The following PLXND1 variants were observed in gnomAD, a reference collection of about 807,000 sequenced individuals.
The protein encoded by PLXND1 is plexin-D1.
Under a neutral mutation model 197.7 loss-of-function variants are expected in PLXND1, and 54 were observed. That is an observed-to-expected ratio of 0.27 (90% confidence interval 0.22 to 0.34). PLXND1 has a LOEUF of 0.34. PLXND1 is among the 10% of genes least tolerant of loss of function. The probability of loss-of-function intolerance (pLI) is 1.00; values close to 1 mark genes in which losing one functional copy is unlikely to be tolerated. For synonymous variants in PLXND1, 1,180 were observed against 1,161.2 expected (o/e 1.02, Z -0.33); for missense variants, 2,127 against 2,699.2 (o/e 0.79, Z 4.70).
chr3:129,603,543 T>C (rs951879337), intron 1 of PLXND1, among the ~76,000 whole-genome samples: 1 of 152,056 alleles, frequency 6.6e-6, no homozygotes, highest in Admixed American at 6.5e-5. Context: ...GCCTGCGAGA[T>C]GAAGCTCTGG....
rs547722046 is a variant in PLXND1 at position 129,588,412 on chromosome 3, A to T, written c.1488+939T>A. Among the ~76,000 whole-genome samples, 23 of 150,654 alleles carry T rather than the reference A, an allele frequency of 1.5e-4. No individual in the cohort carries two copies. The South Asian group carries it at 4.9e-3, about 32-fold the overall frequency. On this transcript the variant is annotated intron_variant, in intron 2 of 35. Transcript: ENST00000324093. ...CCCAAGCCAGGACACTGAGGCTCGC[A>T]GGGGAGAAGAAACTGGCCCCAAGTC...
At position 129,563,251 on chromosome 3, in the gene PLXND1, C is replaced by G. The variant is rs747487560; in HGVS notation, c.4522-11G>C. On this transcript the variant is annotated splice_polypyrimidine_tract_variant and intron_variant, in intron 25 of 35. Coordinates refer to ENST00000324093, the MANE Select transcript of PLXND1 (RefSeq NM_015103.3). The stretch of plus-strand genomic sequence containing the variant: ...CTCCCCCACCGTCTCCTGAGGGGCA[C>G]GGGGGTATCAGGGCCAAGGCCCCCT... 3 of 1,603,554 alleles carry G rather than the reference C, an allele frequency of 1.9e-6. No individual in the cohort carries two copies. In the Admixed American group the frequency reaches 5.1e-5, roughly 27 times the overall value.
rs35550120 is a variant in PLXND1 at position 129,557,487 on chromosome 3, A to AG, written c.5446-265dup. Among the ~76,000 whole-genome samples the AG allele has an allele frequency of 0.36, 55,156 of 151,872 alleles. 16,503 individuals carry two copies. Among genetic ancestry groups the AG allele is most frequent in the African/African-American group, 0.79 (32,846 of 41,402 alleles). On this transcript the variant is annotated intron_variant, in intron 33 of 35. Transcript: ENST00000324093. This position sits in a 1 kb window ranked among gnomAD's most constrained non-coding sequence, Gnocchi z 4.8. ...GGTGGGGAGGGGCCCTACTTCTTTC[A>AG]GGGGAAAAGTGCACGGGCATGCCAG...
rs749940222 is a variant in PLXND1 at position 129,605,517 on chromosome 3, G to C, written c.1123C>G (p.Pro375Ala). The change falls in exon 1 of 36, where the codon CCC becomes GCC. Residue 375 changes from proline to alanine, a missense_variant. Pro to Ala is a conservative substitution (Grantham distance 27). Coordinates refer to ENST00000324093, the MANE Select transcript of PLXND1 (RefSeq NM_015103.3). ...GCGCGGGCCGCGGGGGACCCCTGGG[G>C]CCGCTCGAAGACAGCAAAGAGCCGC... ...RERLFAVFER[P>A]QGSPAARAAP... is the part of the protein sequence containing the mutation. 1.5e-5 allele frequency: 23 copies of C among 1,513,114 alleles called. No homozygotes were observed. In the South Asian group the frequency reaches 2.8e-4, roughly 19 times the overall value. 93.7% of individuals were successfully genotyped at this position (1,513,114 alleles called of 1,614,324 possible). A position where few individuals can be genotyped will look rare whatever the true frequency, so the allele number is the denominator to read the frequency against.
At chr3:129,592,615 C>T (rs1035688524) in intron 1 of PLXND1, among the ~76,000 whole-genome samples, 53 of 152,234 alleles carry the variant, frequency 3.5e-4, no homozygotes, top group South Asian at 1.5e-3. Flanking sequence ...AGCCCGCTCC[C>T]CCCTCCCCCA....
intron 32 of PLXND1, 36 bp downstream of exon 32, chr3:129,559,584 G>A (rs779632865): frequency 6.5e-7 from 1 of 1,535,440 alleles, no homozygotes; most frequent in South Asian, 1.3e-5. Flanking sequence ...GGCCCCAGTG[G>A]CACAGTGAAG....
chr3:129,571,727 G>A lies in PLXND1; in HGVS notation c.3195C>T (p.Tyr1065=), dbSNP rs1208909905. The A allele has an allele frequency of 1.9e-6, 3 of 1,613,632 alleles. No individual in the cohort carries two copies. The highest frequency in any genetic ancestry group is 4.5e-5 in the East Asian group (2 of 44,896). Residue 1065 remains tyrosine, a synonymous_variant, in exon 16 of 36, where the codon TAC becomes TAT. Coordinates refer to ENST00000324093, the MANE Select transcript of PLXND1 (RefSeq NM_015103.3). ...TGGCCGTGATGACCGGGTTCTGCATGTACCAGAAGGTGAGGTTGCCGTGCA... is the reference window on the plus strand; with the variant it reads ...TGGCCGTGATGACCGGGTTCTGCATATACCAGAAGGTGAGGTTGCCGTGCA... The part of the protein sequence containing the change: ...GCVHGNLTFW[Y]MQNPVITAIS...
At chr3:129,562,022 C>A (rs2085069581) in intron 27 of PLXND1, 119 bp from the exon 28 acceptor site, 2 of 695,680 alleles carry the variant, frequency 2.9e-6, no homozygotes, top group South Asian at 3.3e-5. Flanking sequence ...TGAGGCAAGC[C>A]ATACCTCTCT....
At chr3:129,598,303 G>A (rs889709043) in intron 1 of PLXND1, among the ~76,000 whole-genome samples, 3 of 152,132 alleles carry the variant, frequency 2.0e-5, no homozygotes, top group Non-Finnish European at 4.4e-5. Context: ...CTGATGAGCT[G>A]GTTAGTGTGT....
At chr3:129,585,607 C>G (rs56922937) in intron 5 of PLXND1, among the ~76,000 whole-genome samples, 7,793 of 152,290 alleles carry the variant, frequency 0.051, 288 homozygotes, top group East Asian at 0.12. Context: ...CTAGAACCCG[C>G]CTCTTGAGTT....
chr3:129,587,311 C>T (rs2085476434), intron 2 of PLXND1, among the ~76,000 whole-genome samples: 1 of 152,214 alleles, frequency 6.6e-6, no homozygotes, highest in Non-Finnish European at 1.5e-5. Context: ...CACAAGGCTA[C>T]AATGCAATAC....
intron 20 of PLXND1, chr3:129,569,637 G>C: frequency 3.6e-6 from 2 of 559,628 alleles, no homozygotes; most frequent in East Asian, 5.8e-5. Context: ...CATATCCCCT[G>C]GCCACCTAAC....
intron 3 of PLXND1, 129 bp downstream of exon 3, chr3:129,586,459 T>C: frequency 1.7e-6 from 2 of 1,202,358 alleles, no homozygotes; most frequent in South Asian, 2.8e-5. Flanking sequence ...CAGGACAAGG[T>C]GGAGTTAGCA....
At chr3:129,581,847 C>T (rs2085392127) in intron 8 of PLXND1, among the ~76,000 whole-genome samples, 1 of 152,370 alleles carries the variant, frequency 6.6e-6, no homozygotes, top group African/African-American at 2.4e-5. Flanking sequence ...GGGTCCTCCT[C>T]GCATCCCCTA....
intron 11 of PLXND1, 81 bp from the exon 12 acceptor site, chr3:129,574,571 C>T (rs2085285566): frequency 2.1e-6 from 3 of 1,401,246 alleles, no homozygotes; most frequent in Admixed American, 2.0e-5. Context: ...CACACAACAA[C>T]TGTCAAGAGG....
At chr3:129,601,988 C>T (rs896246434) in intron 1 of PLXND1, among the ~76,000 whole-genome samples, 3 of 152,210 alleles carry the variant, frequency 2.0e-5, no homozygotes, top group South Asian at 2.1e-4. Flanking sequence ...TCCCGGGAGG[C>T]GGCCTCAGCC....
In PLXND1 at chr3:129,555,788, ACTGT is replaced by A. The variant is rs1283244443; in HGVS notation, c.*520_*523del. The A allele has an allele frequency of 6.7e-6, 3 of 450,876 alleles. No homozygotes were observed. Among genetic ancestry groups the A allele is most frequent in the African/African-American group, 2.1e-5 (1 of 48,608 alleles). The allele number at this position is 450,876 out of a possible 1,614,324, so 27.9% of individuals were successfully genotyped here. A position where few individuals can be genotyped will look rare whatever the true frequency, so the allele number is the denominator to read the frequency against. ...CAACAAAAATCTGACACTACTTGAA[ACTGT>A]CTGTGGCCAGGATCCTCTACGGGTG... On this transcript the variant is annotated 3_prime_UTR_variant, in exon 36 of 36. Transcript: ENST00000324093.
In PLXND1 at chr3:129,606,335, G is replaced by A. The variant is rs1439983256; in HGVS notation, c.305C>T (p.Pro102Leu). The A allele has an allele frequency of 1.3e-5, 20 of 1,486,030 alleles. No individual in the cohort carries two copies. Among genetic ancestry groups the A allele is most frequent in the Non-Finnish European group, 1.6e-5 (18 of 1,124,946 alleles). 92.1% of individuals were successfully genotyped at this position (1,486,030 alleles called of 1,614,324 possible). Residue 102 changes from proline to leucine, a missense_variant, in exon 1 of 36, where the codon CCG becomes CTG. By Grantham distance (98) the Pro-to-Leu change is moderately conservative. Coordinates refer to ENST00000324093, the MANE Select transcript of PLXND1 (RefSeq NM_015103.3). ...EAAVGPVPDS[P>L]LCHAPQLPQA... ...CGGCAGCTGCGGAGCGTGACACAGCGGGCTGTCGGGCACCGGGCCCACGGC... is the reference window on the plus strand; with the variant it reads ...CGGCAGCTGCGGAGCGTGACACAGCAGGCTGTCGGGCACCGGGCCCACGGC...
At chr3:129,598,610 A>G (rs1392715736) in intron 1 of PLXND1, among the ~76,000 whole-genome samples, 1 of 152,148 alleles carries the variant, frequency 6.6e-6, no homozygotes, top group Admixed American at 6.5e-5. Context: ...GCAGCTCTGC[A>G]GGCCACCCTG....
Sources: gnomAD v4.1 joint callset for allele counts (sites outside exome capture counted in the v4.1 genomes callset) on GRCh38, gnomAD v4.1.1 for gene constraint, Gnocchi (gnomAD v3.1) non-coding constraint, MANE v1.5 for transcripts, NCBI Gene and HGNC (gene_info 2026-07-23, HGNC 2026-07-21) for gene names.